The following EPHB2 variants were observed in gnomAD, a reference collection of about 807,000 sequenced individuals.
EPHB2 encodes ephrin type-B receptor 2.
Under a neutral mutation model 96.4 loss-of-function variants are expected in EPHB2, and 18 were observed. The ratio of observed to expected loss-of-function variants is 0.19; its 90% CI spans 0.13 to 0.28. The LOEUF (loss-of-function observed/expected upper bound fraction) is 0.28, where lower values mean the gene tolerates loss of function less well. Ranked by LOEUF, EPHB2 falls within the 10% of genes least tolerant of loss-of-function variation. The pLI, the probability that EPHB2 is intolerant of heterozygous loss-of-function variation, is 1.00. For missense variants in EPHB2, 989 were observed against 1,355.4 expected, an observed-to-expected ratio of 0.73 and a Z score of 4.25; for synonymous variants, 506 against 534.1, an observed-to-expected ratio of 0.95 and a Z score of 0.72.
intron 1 of EPHB2, among the ~76,000 whole-genome samples, chr1:22,721,442 C>T (rs1375632367): frequency 6.6e-6 from 1 of 152,178 alleles, no homozygotes. Flanking sequence ...GACTTGTGAG[C>T]TGGCCTGCGT....
chr1:22,900,948 C>T (rs988594455), intron 9 of EPHB2, among the ~76,000 whole-genome samples: 32 of 152,262 alleles, frequency 2.1e-4, no homozygotes, highest in African/African-American at 7.7e-4. Flanking sequence ...GAGTGAGTAC[C>T]AAGGTCTGTG....
intron 3 of EPHB2, among the ~76,000 whole-genome samples, chr1:22,843,863 A>T (rs754232642): frequency 5.3e-5 from 8 of 152,148 alleles, no homozygotes; most frequent in Non-Finnish European, 1.2e-4. Context: ...CTTTGTGTCC[A>T]TGTGTATTCA....
At chr1:22,786,870 A>G (rs72653679) in intron 3 of EPHB2, among the ~76,000 whole-genome samples, 1,692 of 152,338 alleles carry the variant, frequency 0.011, 18 homozygotes, top group Non-Finnish European at 0.016. Flanking sequence ...AGTTAGGAGA[A>G]AGGGCTGGTT....
intron 5 of EPHB2, among the ~76,000 whole-genome samples, chr1:22,878,189 C>G (rs1638907693): frequency 6.6e-6 from 1 of 152,072 alleles, no homozygotes; most frequent in Admixed American, 6.5e-5. Context: ...CAGAGCAGCC[C>G]CTGCTGAAAT....
chr1:22,775,087 G>T, intron 1 of EPHB2: 2 of 722,098 alleles, frequency 2.8e-6, no homozygotes, highest in Non-Finnish European at 2.6e-6. Flanking sequence ...CCCATGCAGA[G>T]AGAGAAGATA....
chr1:22,781,595 C>G (rs1481723449), intron 2 of EPHB2, 110 bp downstream of exon 2: 2 of 1,089,374 alleles, frequency 1.8e-6, no homozygotes, highest in Non-Finnish European at 2.8e-6. Context: ...CTTCAGGACC[C>G]AGAGCCAGGC....
chr1:22,718,080 C>T (rs1643338755), intron 1 of EPHB2, among the ~76,000 whole-genome samples: 2 of 152,158 alleles, frequency 1.3e-5, no homozygotes, highest in African/African-American at 4.8e-5. Flanking sequence ...AAGCTCAATT[C>T]ACAGTAGGGG....
chr1:22,785,603 A>C lies in EPHB2; in HGVS notation c.811+527A>C, dbSNP rs565362384. On this transcript the variant is annotated intron_variant, in intron 3 of 15. Coordinates refer to ENST00000374630, the MANE Select transcript of EPHB2 (RefSeq NM_017449.5). Reference sequence around the variant, plus strand: ...CCTCTGAGAGCCAAATGGATGGAGCACCACCATTCGGGATGTTGCCATCTG... The same window carrying C: ...CCTCTGAGAGCCAAATGGATGGAGCCCCACCATTCGGGATGTTGCCATCTG... 6.8e-4 allele frequency among the ~76,000 whole-genome samples: 103 copies of C among 152,362 alleles called. 1 individual carries two copies. The highest frequency in any genetic ancestry group is 1.3e-3 in the Non-Finnish European group (87 of 68,036).
chr1:22,909,314 C>T (rs1640015937), intron 13 of EPHB2, 143 bp downstream of exon 13: 3 of 1,336,380 alleles, frequency 2.2e-6, no homozygotes, highest in African/African-American at 2.9e-5. Context: ...GGGCAGCTGC[C>T]AGCCCAATGG....
rs900638659 is a variant in EPHB2 at position 22,733,540 on chromosome 1, T to C, written c.61+22497T>C. Among the ~76,000 whole-genome samples, 1 of 152,164 alleles carries C rather than the reference T, an allele frequency of 6.6e-6. No homozygotes were observed. Among genetic ancestry groups the C allele is most frequent in the Non-Finnish European group, 1.5e-5 (1 of 68,032 alleles). On this transcript the variant is annotated intron_variant, in intron 1 of 15. Transcript: ENST00000374630. The surrounding 1 kb of genome is among the most constrained non-coding windows in gnomAD (Gnocchi z 4.6). ...GATTTTACGGAGTAGTTTTGCACGGTGGAAATCAGCATATACCATGGCCTT... is the reference window on the plus strand; with the variant it reads ...GATTTTACGGAGTAGTTTTGCACGGCGGAAATCAGCATATACCATGGCCTT...
rs113000465 is a variant in EPHB2 at position 22,829,738 on chromosome 1, A to G, written c.812-33299A>G. 6.8e-4 allele frequency among the ~76,000 whole-genome samples: 104 copies of G among 152,304 alleles called. 1 individual carries two copies. Among genetic ancestry groups the G allele is most frequent in the African/African-American group, 2.4e-3 (99 of 41,568 alleles). On this transcript the variant is annotated intron_variant, in intron 3 of 15. Transcript: ENST00000374630. ...TGGGGATGGTGGGGATGGCCAGGGCATCACGGAGGGCTTCCTGGAGGTGAG... is the reference window on the plus strand; with the variant it reads ...TGGGGATGGTGGGGATGGCCAGGGCGTCACGGAGGGCTTCCTGGAGGTGAG...
chr1:22,822,829 C>A (rs1029136116), intron 3 of EPHB2, among the ~76,000 whole-genome samples: 1 of 152,218 alleles, frequency 6.6e-6, no homozygotes, highest in Admixed American at 6.5e-5. Flanking sequence ...CCTTCCAATC[C>A]CTAGTCTCAG....
chr1:22,827,975 TCACAGTCATGTGTGTGTCCA>T (rs1198962621), intron 3 of EPHB2, among the ~76,000 whole-genome samples: 1 of 152,176 alleles, frequency 6.6e-6, no homozygotes, highest in Non-Finnish European at 1.5e-5. Flanking sequence ...ACGTGAGCAC[TCACAGTCATGTGTGTGTCCA>T]CACAGCCACA....
chr1:22,765,100 G>T (rs1644288978), intron 1 of EPHB2, among the ~76,000 whole-genome samples: 1 of 152,164 alleles, frequency 6.6e-6, no homozygotes, highest in Non-Finnish European at 1.5e-5. Context: ...CTGGGTGAGG[G>T]TGAGGAGCCG....
intron 1 of EPHB2, among the ~76,000 whole-genome samples, chr1:22,731,700 C>T (rs1168112362): frequency 6.6e-6 from 1 of 152,094 alleles, no homozygotes; most frequent in Non-Finnish European, 1.5e-5. Context: ...ATTAGCCAGG[C>T]GTGGTGGCGC....
chr1:22,836,803 CAA>C (rs1262386025), intron 3 of EPHB2: 1 of 152,328 alleles, frequency 6.6e-6, no homozygotes, highest in Non-Finnish European at 1.5e-5. Context: ...GTCCAATGGA[CAA>C]AGCTGTGGTG....
intron 3 of EPHB2, among the ~76,000 whole-genome samples, chr1:22,811,396 C>A (rs1457981092): frequency 6.6e-6 from 1 of 152,224 alleles, no homozygotes; most frequent in Non-Finnish European, 1.5e-5. Context: ...CCCCACCATA[C>A]TTACGATGTC....
chr1:22,817,377 TGACTCACC>T (rs1411119714), intron 3 of EPHB2, among the ~76,000 whole-genome samples: 1 of 152,250 alleles, frequency 6.6e-6, no homozygotes, highest in African/African-American at 2.4e-5. Context: ...GAAAGGCTTG[TGACTCACC>T]GAAGGTCACA....
chr1:22,751,149 G>C (rs1283539232), intron 1 of EPHB2, among the ~76,000 whole-genome samples: 3 of 152,096 alleles, frequency 2.0e-5, no homozygotes, highest in Admixed American at 2.0e-4. Context: ...GAAGAACACT[G>C]GTCAGTCCAA....
Sources: allele counts gnomAD v4.1 joint callset (sites outside exome capture counted in the v4.1 genomes callset), GRCh38; gene constraint gnomAD v4.1.1; non-coding constraint Gnocchi (gnomAD v3.1); transcripts MANE v1.5; gene names NCBI Gene and HGNC (gene_info 2026-07-23, HGNC 2026-07-21).